The following DNAH14 variants were observed in gnomAD, a reference collection of about 807,000 sequenced individuals.
DNAH14 encodes dynein axonemal heavy chain 14.
In DNAH14, 478 loss-of-function variants were observed where a neutral mutation model predicts 520.9. The observed-to-expected ratio is 0.92, with a 90% confidence interval of 0.85 to 0.99. The LOEUF is 0.99. DNAH14 is among the 50% of genes least tolerant of loss of function. The pLI, the probability that DNAH14 is intolerant of heterozygous loss-of-function variation, is 0.00. For synonymous variants in DNAH14, 1,581 were observed against 1,757.2 expected (o/e 0.90, Z 2.51); for missense variants, 4,831 against 5,234.5 (o/e 0.92, Z 2.38).
chr1:225,385,187 G>A (rs572553180), intron 81 of DNAH14, among the ~76,000 whole-genome samples: 311 of 152,238 alleles, frequency 2.0e-3, no homozygotes, highest in African/African-American at 7.1e-3. Flanking sequence ...AACCCTTCAT[G>A]CTAAAAACTC....
chr1:225,081,489 G>C (rs1035583538), intron 19 of DNAH14, among the ~76,000 whole-genome samples: 1 of 152,088 alleles, frequency 6.6e-6, no homozygotes, highest in Non-Finnish European at 1.5e-5. Flanking sequence ...TGTTATATAC[G>C]TGCTTCGGAG....
chr1:225,028,170 C>A (rs1384050382), intron 11 of DNAH14, among the ~76,000 whole-genome samples: 2 of 152,010 alleles, frequency 1.3e-5, no homozygotes, highest in African/African-American at 4.8e-5. Flanking sequence ...GCATTATTAC[C>A]ACCTATCTTC....
chr1:225,218,995 C>T (rs565118449), intron 41 of DNAH14, among the ~76,000 whole-genome samples: 117 of 152,070 alleles, frequency 7.7e-4, no homozygotes, highest in Non-Finnish European at 1.1e-3. Flanking sequence ...TCAGGATTAA[C>T]GAACTCACTC....
chr1:224,984,320 G>A (rs2062471151), intron 8 of DNAH14, among the ~76,000 whole-genome samples: 1 of 152,176 alleles, frequency 6.6e-6, no homozygotes, highest in East Asian at 1.9e-4. Context: ...AAATGGTGCT[G>A]GGATAATTGG....
intron 80 of DNAH14, 62 bp downstream of exon 80, chr1:225,380,384 T>C (rs971025090): frequency 1.4e-6 from 2 of 1,476,170 alleles, no homozygotes; most frequent in African/African-American, 2.9e-5. Flanking sequence ...GACTCTGGTG[T>C]CAGGAGTAAG....
chr1:224,960,045 C>G (rs1228564008), intron 3 of DNAH14, 108 bp from the exon 4 acceptor site: 1 of 1,109,362 alleles, frequency 9.0e-7, no homozygotes, highest in East Asian at 2.9e-5. Context: ...AACTACCATG[C>G]TATACTGCCT....
chr1:225,307,638 GCT>G, intron 59 of DNAH14, 69 bp downstream of exon 59: 1 of 1,198,702 alleles, frequency 8.3e-7, no homozygotes, highest in Non-Finnish European at 1.1e-6. Flanking sequence ...GAAAGCAAAG[GCT>G]CTGATACCTG....
intron 28 of DNAH14, among the ~76,000 whole-genome samples, 176 bp from the exon 29 acceptor site, chr1:225,144,221 A>G (rs577084926): frequency 6.6e-6 from 1 of 152,274 alleles, no homozygotes; most frequent in African/African-American, 2.4e-5. Flanking sequence ...TTCATACCTA[A>G]TATGATCAGT....
intron 42 of DNAH14, 61 bp from the exon 43 acceptor site, chr1:225,240,532 C>A (rs1362333926): frequency 4.0e-6 from 4 of 1,005,504 alleles, no homozygotes; most frequent in Non-Finnish European, 5.8e-6. Context: ...AAGTAAATTT[C>A]TATTCTTAAA....
intron 17 of DNAH14, among the ~76,000 whole-genome samples, chr1:225,057,005 T>G (rs927751222): frequency 3.3e-5 from 5 of 152,168 alleles, no homozygotes; most frequent in African/African-American, 1.2e-4. Context: ...GATTGACTTG[T>G]CAATGCGGGC....
chr1:225,063,271 A>G (rs2070418905), intron 17 of DNAH14, among the ~76,000 whole-genome samples: 1 of 152,224 alleles, frequency 6.6e-6, no homozygotes, highest in Non-Finnish European at 1.5e-5. Flanking sequence ...GTATTTGCAT[A>G]TAACCTACCT....
At chr1:225,057,443 T>A (rs2069279835) in intron 17 of DNAH14, among the ~76,000 whole-genome samples, 1 of 152,040 alleles carries the variant, frequency 6.6e-6, no homozygotes, top group Non-Finnish European at 1.5e-5. Flanking sequence ...GACAATGGGG[T>A]TTTCTAGATA....
chr1:225,145,008 A>G (rs2079806261), intron 29 of DNAH14, among the ~76,000 whole-genome samples: 1 of 152,120 alleles, frequency 6.6e-6, no homozygotes, highest in Non-Finnish European at 1.5e-5. Flanking sequence ...AGAGAAAGAC[A>G]GAGAAAAGCA....
intron 15 of DNAH14, among the ~76,000 whole-genome samples, chr1:225,048,500 CAAAAAAT>C (rs1207016151): frequency 5.9e-5 from 9 of 151,986 alleles, no homozygotes; most frequent in South Asian, 2.1e-4. Flanking sequence ...GACCCTGTCT[CAAAAAAT>C]AAAAAATAAA....
intron 35 of DNAH14, among the ~76,000 whole-genome samples, chr1:225,163,988 T>C (rs1473585460): frequency 6.6e-6 from 1 of 152,162 alleles, no homozygotes; most frequent in Non-Finnish European, 1.5e-5. Context: ...GTGTTTAATG[T>C]ATGCTAAAAA....
At chr1:225,235,761 T>A (rs1035651714) in intron 42 of DNAH14, among the ~76,000 whole-genome samples, 2 of 152,144 alleles carry the variant, frequency 1.3e-5, no homozygotes, top group Non-Finnish European at 2.9e-5. Context: ...CCTTGTTCAG[T>A]CTTGGGAGGC....
At chr1:224,932,172 A>G (rs2058737370) in intron 1 of DNAH14, among the ~76,000 whole-genome samples, 1 of 152,076 alleles carries the variant, frequency 6.6e-6, no homozygotes, top group Non-Finnish European at 1.5e-5. Flanking sequence ...GTAGGATGGT[A>G]TCTCATTCTG....
chr1:225,004,738 G>A (rs537365619), intron 9 of DNAH14, among the ~76,000 whole-genome samples: 4 of 152,264 alleles, frequency 2.6e-5, no homozygotes, highest in South Asian at 4.1e-4. Flanking sequence ...GGGGTCAGGA[G>A]TCAAGGTGGC....
rs35341695 is a variant in DNAH14 at position 225,175,701 on chromosome 1, C to CTT, written c.5535+7692_5535+7693dup. On this transcript the variant is annotated intron_variant, in intron 36 of 85. Transcript: ENST00000682510. ...AGGTGTAAGTGTGTTTATTTTGGAT[C>CTT]TTTTTTTTTTTTTTTTTTTTGAGAT... is the stretch of plus-strand genomic sequence containing the variant. 9.1e-3 allele frequency among the ~76,000 whole-genome samples: 998 copies of CTT among 109,178 alleles called. 31 individuals carry two copies. The highest frequency in any genetic ancestry group is 0.03 in the African/African-American group (823 of 27,062). The allele number at this position is 109,178 out of a possible 152,430, so 71.6% of individuals were successfully genotyped here.
Sources: gnomAD v4.1 joint callset for allele counts (sites outside exome capture counted in the v4.1 genomes callset) on GRCh38, gnomAD v4.1.1 for gene constraint, MANE v1.5 for transcripts, NCBI Gene and HGNC (gene_info 2026-07-23, HGNC 2026-07-21) for gene names.